E2F7: variants seen among roughly 807,000 people sequenced by gnomAD.
The protein encoded by E2F7 is E2F transcription factor 7.
Under a neutral mutation model 81.1 loss-of-function variants are expected in E2F7, and 35 were observed. The ratio of observed to expected loss-of-function variants is 0.43; its 90% confidence interval spans 0.33 to 0.57. The LOEUF (loss-of-function observed/expected upper bound fraction) is 0.57, where lower values mean the gene tolerates loss of function less well. Ranked by LOEUF, E2F7 falls within the 20% of genes least tolerant of loss-of-function variation. The pLI is 0.04. For missense variants in E2F7, 961 were observed against 1,093.7 expected (o/e 0.88, Z 1.71); for synonymous variants, 416 against 416.2 (o/e 1.00, Z 0.01).
intron 2 of E2F7, among the ~76,000 whole-genome samples, chr12:77,057,793 GCT>G (rs1020326030): frequency 6.6e-6 from 1 of 152,162 alleles, no homozygotes; most frequent in Non-Finnish European, 1.5e-5. Context: ...GAAAGATTCT[GCT>G]CTTTCTGTAG....
intron 2 of E2F7, among the ~76,000 whole-genome samples, chr12:77,058,287 G>A (rs1473435820): frequency 3.9e-5 from 6 of 152,156 alleles, no homozygotes; most frequent in Admixed American, 3.9e-4. Context: ...ATCCAATCCT[G>A]TGACATAGGC....
intron 7 of E2F7, among the ~76,000 whole-genome samples, chr12:77,036,006 G>A (rs1356000457): frequency 9.3e-5 from 1 of 10,786 alleles, no homozygotes; most frequent in Non-Finnish European, 2.5e-4. Context: ...TAAATGAAAC[G>A]AGAAAAAAGA....
At chr12:77,049,120 C>T (rs1954965234) in intron 4 of E2F7, among the ~76,000 whole-genome samples, 1 of 152,162 alleles carries the variant, frequency 6.6e-6, no homozygotes, top group African/African-American at 2.4e-5. Context: ...TTATTCTAGT[C>T]TGTTTTCATA....
intron 2 of E2F7, 128 bp downstream of exon 2, chr12:77,064,415 T>G (rs752190297): frequency 1.3e-6 from 1 of 745,938 alleles, no homozygotes; most frequent in Non-Finnish European, 2.1e-6. Flanking sequence ...AAAGAATGTT[T>G]CTATAATGTT....
intron 6 of E2F7, among the ~76,000 whole-genome samples, chr12:77,043,994 T>A (rs1319442424): frequency 6.6e-6 from 1 of 152,210 alleles, no homozygotes; most frequent in African/African-American, 2.4e-5. Flanking sequence ...TGGATGCAGC[T>A]TTCTTCTTCC....
intron 4 of E2F7, among the ~76,000 whole-genome samples, chr12:77,048,568 C>G (rs543270891): frequency 6.6e-6 from 1 of 152,314 alleles, no homozygotes; most frequent in South Asian, 2.1e-4. Flanking sequence ...TAGTTAAATA[C>G]AGTCCTGCAG....
intron 1 of E2F7, among the ~76,000 whole-genome samples, chr12:77,064,942 T>C (rs1481341178): frequency 1.3e-5 from 2 of 152,128 alleles, no homozygotes; most frequent in African/African-American, 4.8e-5. Context: ...GTTGGGCAAA[T>C]CTGTCAGAAA....
intron 5 of E2F7, 43 bp downstream of exon 5, chr12:77,045,995 T>TGCTCTTTCTCTGCCATTACTC (rs781153438): frequency 1.3e-6 from 2 of 1,586,456 alleles, no homozygotes; most frequent in Non-Finnish European, 1.7e-6. Flanking sequence ...GACCATCACT[T>TGCTCTTTCTCTGCCATTACTC]GCTCTTTCTC....
Position 77,021,703 on chromosome 12 carries a change from C to T in E2F7, c.*2312G>A, listed in dbSNP as rs978516340. Reference sequence around the variant, plus strand: ...TGCATTCTCTTAGTAGGACCACCAACGATTATTTTTTTCTTTTACTAAATT... The same window carrying T: ...TGCATTCTCTTAGTAGGACCACCAATGATTATTTTTTTCTTTTACTAAATT... On this transcript the variant is annotated 3_prime_UTR_variant, in exon 13 of 13. Coordinates refer to ENST00000322886, the MANE Select transcript of E2F7 (RefSeq NM_203394.3). The T allele has an allele frequency of 2.0e-5, 3 of 152,478 alleles. No homozygotes were observed. The highest frequency in any genetic ancestry group is 2.0e-4 in the Admixed American group (3 of 15,268). 9.4% of individuals were successfully genotyped at this position (152,478 alleles called of 1,614,324 possible). A position where few individuals can be genotyped will look rare whatever the true frequency, so the allele number is the denominator to read the frequency against.
At chr12:77,040,471 T>A (rs2120679565) in intron 7 of E2F7, among the ~76,000 whole-genome samples, 1 of 152,268 alleles carries the variant, frequency 6.6e-6, no homozygotes, top group Admixed American at 6.5e-5. Context: ...AGACCCAAAT[T>A]CTCCACCAAG....
In E2F7 at chr12:77,025,659, G is replaced by A; in HGVS notation, c.2464C>T (p.Leu822=). The change falls in exon 12 of 13, where the codon CTA becomes TTA. Residue 822 remains leucine, a synonymous_variant. Coordinates refer to ENST00000322886, the MANE Select transcript of E2F7 (RefSeq NM_203394.3). ...ADPQLQSQPS[L]NLSPVMSRSH... ...CTTGACATCACTGGACTTAGGTTTA[G>A]TGAGGGCTGACTCTGAAGCTGAGGG... 9 of 1,614,208 alleles carry A rather than the reference G, an allele frequency of 5.6e-6. No homozygotes were observed. Among genetic ancestry groups the A allele is most frequent in the Middle Eastern group, 1.6e-4 (1 of 6,062 alleles).
Position 77,030,300 on chromosome 12 carries a change from G to A in E2F7, c.1415C>T (p.Pro472Leu), listed in dbSNP as rs1395321745. Reference sequence around the variant, plus strand: ...AACAGGGTCCAAGCTGCTTGATGGAGGCACCACTCTCTTACTGGCAAAGGC... The same window carrying A: ...AACAGGGTCCAAGCTGCTTGATGGAAGCACCACTCTCTTACTGGCAAAGGC... ...GKAFASKRVV[P>L]PSSSLDPVAP... Residue 472 changes from proline to leucine, a missense_variant, in exon 10 of 13, where the codon CCT becomes CTT. This residue lies in a region of E2F7 where 587 missense variants were observed against 620.3 expected (regional missense o/e 0.95). Coordinates refer to ENST00000322886, the MANE Select transcript of E2F7 (RefSeq NM_203394.3). 1 of 1,570,156 alleles carries A rather than the reference G, an allele frequency of 6.4e-7. No individual in the cohort carries two copies. The highest frequency in any genetic ancestry group is 8.6e-7 in the Non-Finnish European group (1 of 1,157,016).
At chr12:77,037,718 C>T (rs1376986249) in intron 7 of E2F7, among the ~76,000 whole-genome samples, 2 of 151,426 alleles carry the variant, frequency 1.3e-5, no homozygotes, top group South Asian at 2.1e-4. Context: ...ACTTATAAAT[C>T]CAAAAGAAAG....
intron 1 of E2F7, 112 bp from the exon 2 acceptor site, chr12:77,064,747 T>G: frequency 1.1e-6 from 1 of 888,058 alleles, no homozygotes; most frequent in East Asian, 2.6e-5. Context: ...CCCCCTTCTC[T>G]AAGCACATCC....
intron 7 of E2F7, among the ~76,000 whole-genome samples, chr12:77,042,024 C>A (rs555788421): frequency 6.6e-6 from 1 of 152,278 alleles, no homozygotes; most frequent in Admixed American, 6.5e-5. Flanking sequence ...AGGAAAACTT[C>A]ATAGAGGAGT....
At chr12:77,037,734 G>A (rs1954863560) in intron 7 of E2F7, among the ~76,000 whole-genome samples, 1 of 152,010 alleles carries the variant, frequency 6.6e-6, no homozygotes, top group African/African-American at 2.4e-5. Flanking sequence ...GAAAGAAAAA[G>A]AGGAAAAAGA....
At chr12:77,063,840 A>G (rs1359651189) in intron 2 of E2F7, among the ~76,000 whole-genome samples, 1 of 152,240 alleles carries the variant, frequency 6.6e-6, no homozygotes, top group Non-Finnish European at 1.5e-5. Context: ...TGCTACTCAC[A>G]GATTTATATT....
chr12:77,052,514 T>C (rs565253725), intron 3 of E2F7, among the ~76,000 whole-genome samples: 47 of 152,222 alleles, frequency 3.1e-4, no homozygotes, highest in South Asian at 1.2e-3. Context: ...AAAAGCAAAG[T>C]TGTATCTTGA....
chr12:77,044,084 A>G (rs911423127), intron 6 of E2F7, among the ~76,000 whole-genome samples: 1 of 152,172 alleles, frequency 6.6e-6, no homozygotes, highest in East Asian at 1.9e-4. Flanking sequence ...CAGATGTTGC[A>G]GCTCATGGTT....
Sources: allele counts gnomAD v4.1 joint callset (sites outside exome capture counted in the v4.1 genomes callset), GRCh38; gene constraint gnomAD v4.1.1; regional missense constraint gnomAD v4.1.1; transcripts MANE v1.5; gene names NCBI Gene and HGNC (gene_info 2026-07-23, HGNC 2026-07-21).